The following PIGN variants were observed in gnomAD, a reference collection of about 807,000 sequenced individuals.
PIGN encodes the protein GPI ethanolamine phosphate transferase 1.
A neutral mutation model predicts 125.4 loss-of-function variants in PIGN; 117 were observed. The observed-to-expected ratio is 0.93, with a 90% CI of 0.80 to 1.09. The LOEUF is 1.09. Among genes scored for constraint, PIGN ranks in the 50% least tolerant of loss-of-function variants. The pLI, the probability that PIGN is intolerant of heterozygous loss-of-function variation, is 0.00. For missense variants in PIGN, 1,075 were observed against 1,094.9 expected (o/e 0.98, Z 0.26); for synonymous variants, 392 against 377.8 (o/e 1.04, Z -0.44).
At chr18:62,087,203 G>C (rs1273570038) in intron 25 of PIGN, among the ~76,000 whole-genome samples, 1 of 152,108 alleles carries the variant, frequency 6.6e-6, no homozygotes, top group African/African-American at 2.4e-5. Context: ...CTGAAGATCA[G>C]GCAAAGGAAG....
chr18:62,081,442 A>G (rs2033443381), intron 28 of PIGN, among the ~76,000 whole-genome samples: 1 of 152,176 alleles, frequency 6.6e-6, no homozygotes, highest in Non-Finnish European at 1.5e-5. Flanking sequence ...ATATCCAGGA[A>G]GAAATGTCAG....
At chr18:62,143,604 T>C (rs974174811) in intron 10 of PIGN, among the ~76,000 whole-genome samples, 1 of 152,184 alleles carries the variant, frequency 6.6e-6, no homozygotes, top group African/African-American at 2.4e-5. Flanking sequence ...GATAATTGTT[T>C]CAAAACATCA....
At chr18:62,151,806 A>T (rs913586238) in intron 7 of PIGN, among the ~76,000 whole-genome samples, 4 of 152,234 alleles carry the variant, frequency 2.6e-5, no homozygotes, top group Non-Finnish European at 5.9e-5. Flanking sequence ...AGATCCTTAC[A>T]GATTTGTTGC....
chr18:62,054,075 G>C (rs760198765), intron 30 of PIGN, among the ~76,000 whole-genome samples: 12 of 152,164 alleles, frequency 7.9e-5, no homozygotes, highest in Admixed American at 7.9e-4. Flanking sequence ...ACACATCACA[G>C]TTTATGGGAC....
intron 23 of PIGN, among the ~76,000 whole-genome samples, chr18:62,024,725 C>G (rs4941098): frequency 1.3e-5 from 2 of 152,086 alleles, no homozygotes; most frequent in African/African-American, 2.4e-5. Flanking sequence ...CAGTGGCTCA[C>G]GTCTGTAATC....
At chr18:62,060,372 G>A (rs2032043879) in intron 30 of PIGN, among the ~76,000 whole-genome samples, 1 of 152,206 alleles carries the variant, frequency 6.6e-6, no homozygotes, top group African/African-American at 2.4e-5. Context: ...TTTTCAACCT[G>A]CACAATGGTG....
At chr18:62,106,026 G>A (rs1487978418) in intron 19 of PIGN, among the ~76,000 whole-genome samples, 1 of 152,140 alleles carries the variant, frequency 6.6e-6, no homozygotes, top group Non-Finnish European at 1.5e-5. Context: ...CCTGCATAAA[G>A]TGCTTCATTC....
At chr18:62,156,653 T>C (rs987516105) in intron 6 of PIGN, among the ~76,000 whole-genome samples, 1 of 152,160 alleles carries the variant, frequency 6.6e-6, no homozygotes, top group Admixed American at 6.5e-5. Context: ...TTTATATGAG[T>C]AGCTACTAAC....
At chr18:62,107,135 G>T in intron 17 of PIGN, 50 bp from the exon 18 acceptor site, 1 of 1,129,366 alleles carries the variant, frequency 8.9e-7, no homozygotes, top group Non-Finnish European at 1.3e-6. Flanking sequence ...GTCATACATA[G>T]TATAACAATA....
chr18:62,165,204 G>C (rs186667769), intron 1 of PIGN, among the ~76,000 whole-genome samples: 47 of 152,124 alleles, frequency 3.1e-4, no homozygotes, highest in Admixed American at 3.0e-3. Context: ...CCTCCTGTTC[G>C]GTCCCTCTTC....
chr18:62,116,686 T>C (rs1312198069), intron 14 of PIGN, among the ~76,000 whole-genome samples: 1 of 152,208 alleles, frequency 6.6e-6, no homozygotes, highest in Non-Finnish European at 1.5e-5. Flanking sequence ...GATAATGTCT[T>C]ATATTCCATT....
At chr18:62,053,082 T>G (rs1329673119) in intron 30 of PIGN, 12 of 279,736 alleles carry the variant, frequency 4.3e-5, no homozygotes, top group African/African-American at 2.6e-4. Context: ...CTAAATTATA[T>G]TTGCTAGCTG....
intron 1 of PIGN, among the ~76,000 whole-genome samples, chr18:62,175,078 T>A (rs199508714): frequency 7.2e-4 from 103 of 143,918 alleles, no homozygotes; most frequent in Middle Eastern, 3.6e-3. Context: ...ATATATATAT[T>A]TAATATATCT....
At chr18:62,031,809 T>A (rs1265725548) in intron 23 of PIGN, among the ~76,000 whole-genome samples, 1 of 152,132 alleles carries the variant, frequency 6.6e-6, no homozygotes, top group Non-Finnish European at 1.5e-5. Context: ...AAAATTTACC[T>A]CCCCAAGTGT....
intron 14 of PIGN, among the ~76,000 whole-genome samples, chr18:62,125,400 T>G (rs1488479992): frequency 6.6e-6 from 1 of 152,056 alleles, no homozygotes. Flanking sequence ...ACAGAACATT[T>G]AATGGTTGCA....
chr18:62,176,967 T>A (rs1268886060), intron 1 of PIGN, among the ~76,000 whole-genome samples: 1 of 149,042 alleles, frequency 6.7e-6, no homozygotes, highest in Non-Finnish European at 1.5e-5. Flanking sequence ...AAATAAAAAG[T>A]AAAAAAAAAA....
At chr18:62,062,744 A>G (rs2032228841) in intron 30 of PIGN, among the ~76,000 whole-genome samples, 1 of 152,072 alleles carries the variant, frequency 6.6e-6, no homozygotes, top group Non-Finnish European at 1.5e-5. Flanking sequence ...TGAAACATAA[A>G]GTTAACACCC....
At chr18:62,108,048 T>G (rs1436224219) in intron 17 of PIGN, among the ~76,000 whole-genome samples, 2 of 152,206 alleles carry the variant, frequency 1.3e-5, no homozygotes, top group African/African-American at 4.8e-5. Flanking sequence ...GTCAGTATCA[T>G]TTGGTTTATG....
At chr18:62,100,378 T>C (rs551350155) in intron 22 of PIGN, among the ~76,000 whole-genome samples, 1 of 152,282 alleles carries the variant, frequency 6.6e-6, no homozygotes, top group South Asian at 2.1e-4. Context: ...GGAATGTAAG[T>C]TAGTACAGCC....
Sources: allele counts gnomAD v4.1 joint callset (sites outside exome capture counted in the v4.1 genomes callset), GRCh38; gene constraint gnomAD v4.1.1; transcripts MANE v1.5; gene names NCBI Gene and HGNC (gene_info 2026-07-23, HGNC 2026-07-21).